The following CDH13 variants were observed in gnomAD, a reference collection of about 807,000 sequenced individuals.
The protein encoded by CDH13 is cadherin 13.
Under a neutral mutation model 63.8 loss-of-function variants are expected in CDH13, and 24 were observed. The ratio of observed to expected loss-of-function variants is 0.38; its 90% CI spans 0.27 to 0.53. The LOEUF (loss-of-function observed/expected upper bound fraction) is 0.53, where lower values mean the gene tolerates loss of function less well. CDH13 is among the 20% of genes least tolerant of loss of function. The pLI, the probability that CDH13 is intolerant of heterozygous loss-of-function variation, is 0.85. For synonymous variants in CDH13, 503 were observed against 355.3 expected (o/e 1.42, Z -4.67); for missense variants, 1,049 against 903.1 (o/e 1.16, Z -2.07).
chr16:82,937,202 A>T (rs1597249976), intron 2 of CDH13, among the ~76,000 whole-genome samples: 1 of 152,044 alleles, frequency 6.6e-6, no homozygotes, highest in African/African-American at 2.4e-5. Flanking sequence ...TTTTTTTCTG[A>T]TGCAGCTATA....
intron 3 of CDH13, among the ~76,000 whole-genome samples, chr16:83,050,695 C>T (rs1337588046): frequency 1.3e-5 from 2 of 152,086 alleles, no homozygotes; most frequent in African/African-American, 4.8e-5. Flanking sequence ...ATCGTGTCTA[C>T]AGCGCATCTC....
intron 6 of CDH13, among the ~76,000 whole-genome samples, chr16:83,390,210 C>G (rs900717732): frequency 2.7e-4 from 41 of 152,308 alleles, no homozygotes; most frequent in African/African-American, 9.9e-4. Flanking sequence ...CCCCTTCATA[C>G]AGCTTTGAAT....
chr16:83,550,642 T>A (rs1359668840), intron 7 of CDH13, among the ~76,000 whole-genome samples: 4 of 152,332 alleles, frequency 2.6e-5, no homozygotes, highest in Middle Eastern at 3.4e-3. Flanking sequence ...CTCTGATGAA[T>A]GTCTAGCAAA....
chr16:83,698,814 G>T (rs968298150), intron 10 of CDH13, among the ~76,000 whole-genome samples: 4 of 152,212 alleles, frequency 2.6e-5, no homozygotes, highest in Non-Finnish European at 5.9e-5. Context: ...AGGTTTTATG[G>T]ACCACACAAT....
chr16:82,834,914 G>A (rs1039357833), intron 1 of CDH13, among the ~76,000 whole-genome samples: 2 of 152,086 alleles, frequency 1.3e-5, no homozygotes, highest in African/African-American at 4.8e-5. Context: ...CCTTAATTTT[G>A]CCTCTTGGCC....
intron 5 of CDH13, among the ~76,000 whole-genome samples, chr16:83,310,131 A>G (rs1427896029): frequency 6.6e-6 from 1 of 152,226 alleles, no homozygotes; most frequent in Non-Finnish European, 1.5e-5. Context: ...GTGACAGATG[A>G]AATTAATATG....
At chr16:83,665,008 T>A (rs1012084909) in intron 8 of CDH13, among the ~76,000 whole-genome samples, 1 of 152,208 alleles carries the variant, frequency 6.6e-6, no homozygotes, top group Non-Finnish European at 1.5e-5. Flanking sequence ...AATTGTTGTA[T>A]CTTTCCGCCA....
At chr16:83,580,640 A>G (rs1339465900) in intron 7 of CDH13, among the ~76,000 whole-genome samples, 1 of 151,976 alleles carries the variant, frequency 6.6e-6, no homozygotes, top group Non-Finnish European at 1.5e-5. Context: ...GACTACAGGC[A>G]TGCGCTACCA....
intron 7 of CDH13, among the ~76,000 whole-genome samples, chr16:83,504,074 A>G (rs558946492): frequency 1.5e-4 from 23 of 152,286 alleles, no homozygotes; most frequent in African/African-American, 5.3e-4. Flanking sequence ...ATACCTATGT[A>G]ACAAACCTGC....
At chr16:83,448,025 G>T (rs916403975) in intron 6 of CDH13, among the ~76,000 whole-genome samples, 1 of 152,150 alleles carries the variant, frequency 6.6e-6, no homozygotes, top group African/African-American at 2.4e-5. Context: ...CCTGGAGCAG[G>T]TACTTCCAAG....
intron 8 of CDH13, among the ~76,000 whole-genome samples, chr16:83,623,369 C>G (rs1909988709): frequency 6.6e-6 from 1 of 152,184 alleles, no homozygotes; most frequent in African/African-American, 2.4e-5. Flanking sequence ...CCCTGGATCT[C>G]AGCATCCTTC....
chr16:82,858,364 G>A lies in CDH13; in HGVS notation c.48G>A (p.Val16=), dbSNP rs2151165973. 1.2e-6 allele frequency: 2 copies of A among 1,607,436 alleles called. No individual in the cohort carries two copies. The highest frequency in any genetic ancestry group is 1.7e-6 in the Non-Finnish European group (2 of 1,174,074). Residue 16 remains valine (V), a splice_region_variant and synonymous_variant, in exon 2 of 14, where the codon GTG becomes GTA. Coordinates refer to ENST00000567109, the MANE Select transcript of CDH13 (RefSeq NM_001257.5). ...PLVLCVLLSQ[V]LLLTSAEDLD... Reference sequence around the variant, plus strand: ...ATTGATGGCTTTGGTTTTCTCAGGTGCTGCTGCTAACATCTGCAGAAGATT... The same window carrying A: ...ATTGATGGCTTTGGTTTTCTCAGGTACTGCTGCTAACATCTGCAGAAGATT...
intron 4 of CDH13, among the ~76,000 whole-genome samples, chr16:83,159,873 A>T (rs2037373096): frequency 6.6e-6 from 1 of 152,070 alleles, no homozygotes; most frequent in African/African-American, 2.4e-5. Flanking sequence ...CCAGGAGTTC[A>T]AGACCAGCCT....
chr16:83,093,804 A>G (rs1277820616), intron 3 of CDH13, among the ~76,000 whole-genome samples: 1 of 152,250 alleles, frequency 6.6e-6, no homozygotes, highest in African/African-American at 2.4e-5. Context: ...GAAAGCATGT[A>G]TAAGACAAGA....
intron 1 of CDH13, among the ~76,000 whole-genome samples, chr16:82,776,537 G>C (rs759017456): frequency 2.0e-5 from 3 of 152,212 alleles, no homozygotes; most frequent in Non-Finnish European, 4.4e-5. Context: ...ATAATGTGCA[G>C]ACAACCTGCA....
At chr16:82,859,603 G>C (rs1002764051) in intron 2 of CDH13, 1 of 151,892 alleles carries the variant, frequency 6.6e-6, no homozygotes, top group African/African-American at 2.4e-5. Context: ...AAAATAAGCT[G>C]ATCATACGCT....
chr16:83,339,420 A>C (rs17283363), intron 5 of CDH13, among the ~76,000 whole-genome samples: 19,080 of 152,130 alleles, frequency 0.13, 1,328 homozygotes, highest in South Asian at 0.17. Flanking sequence ...GGAAAGGATA[A>C]AGCTGGGCCC....
intron 1 of CDH13, among the ~76,000 whole-genome samples, chr16:82,750,345 A>G (rs893286734): frequency 5.9e-5 from 9 of 152,166 alleles, no homozygotes; most frequent in Admixed American, 2.6e-4. Flanking sequence ...TGGAAAGTCA[A>G]CCTCAGAGCA....
intron 2 of CDH13, among the ~76,000 whole-genome samples, chr16:83,026,505 A>G (rs1050342459): frequency 6.6e-6 from 1 of 152,202 alleles, no homozygotes; most frequent in African/African-American, 2.4e-5. Flanking sequence ...GGGGGACAAA[A>G]ATTGCACTTA....
Sources: gnomAD v4.1 joint callset for allele counts (sites outside exome capture counted in the v4.1 genomes callset) on GRCh38, gnomAD v4.1.1 for gene constraint, MANE v1.5 for transcripts, NCBI Gene and HGNC (gene_info 2026-07-23, HGNC 2026-07-21) for gene names.